ABI2: variants seen among roughly 807,000 people sequenced by gnomAD.
The protein encoded by ABI2 is abelson interactor 2.
In ABI2, 25 loss-of-function variants were observed where a neutral mutation model predicts 59.2. That is an observed-to-expected ratio of 0.42 (90% CI 0.31 to 0.59). ABI2 has a LOEUF of 0.59. Ranked by LOEUF, ABI2 falls within the 20% of genes least tolerant of loss-of-function variation. The pLI is 0.14. For synonymous variants in ABI2, 213 were observed against 235.5 expected, an observed-to-expected ratio of 0.90 and a Z score of 0.87; for missense variants, 545 against 681.8, an observed-to-expected ratio of 0.80 and a Z score of 2.23.
At chr2:203,346,754 T>C (rs576318342) in intron 1 of ABI2, among the ~76,000 whole-genome samples, 3 of 152,270 alleles carry the variant, frequency 2.0e-5, no homozygotes, top group Admixed American at 1.3e-4. Context: ...TTGAGAGAAA[T>C]AGGAGAAAGA....
chr2:203,348,201 A>C (rs945144719), intron 1 of ABI2, among the ~76,000 whole-genome samples: 1 of 152,234 alleles, frequency 6.6e-6, no homozygotes, highest in African/African-American at 2.4e-5. Flanking sequence ...AGATCGCGCC[A>C]CTGCACTGTA....
chr2:203,330,753 T>C (rs115756451), intron 1 of ABI2, among the ~76,000 whole-genome samples: 2 of 152,272 alleles, frequency 1.3e-5, no homozygotes, highest in Non-Finnish European at 2.9e-5. Context: ...AAATAAAAAA[T>C]AAACAGATTT....
At chr2:203,384,635 T>C (rs1284780258) in intron 4 of ABI2, among the ~76,000 whole-genome samples, 3 of 151,696 alleles carry the variant, frequency 2.0e-5, no homozygotes, top group Non-Finnish European at 4.4e-5. Context: ...GTAAAAAGAA[T>C]TTTAAGACCC....
At chr2:203,402,439 TTGCATTGTATATTTCAGA>T in intron 8 of ABI2, 119 bp from the exon 9 acceptor site, 7 of 597,430 alleles carry the variant, frequency 1.2e-5, no homozygotes, top group Non-Finnish European at 1.8e-5. Context: ...ATAACTCACC[TTGCATTGTATATTTCAGA>T]TACCAGTTAA....
intron 7 of ABI2, 129 bp downstream of exon 7, chr2:203,395,909 CTATA>C: frequency 3.6e-6 from 4 of 1,109,948 alleles, no homozygotes; most frequent in Non-Finnish European, 5.0e-6. Flanking sequence ...ATTGGGAAGT[CTATA>C]TATTTGTTAT....
chr2:203,419,514 G>T (rs1302769055), intron 11 of ABI2, among the ~76,000 whole-genome samples: 5 of 151,154 alleles, frequency 3.3e-5, no homozygotes, highest in African/African-American at 1.2e-4. Context: ...GACTACAGGC[G>T]CCTGCCACCA....
chr2:203,365,622 C>CTTTTTTTTTTTTTTTTTTTTTTTTTT (rs71007507), intron 1 of ABI2, among the ~76,000 whole-genome samples: 1 of 63,908 alleles, frequency 1.6e-5, no homozygotes. Context: ...GGGCTGTTAT[C>CTTTTTTTTTTTTTTTTTTTTTTTTTT]TTTTTTTTTT....
intron 11 of ABI2, among the ~76,000 whole-genome samples, chr2:203,423,974 A>G (rs986347306): frequency 2.0e-5 from 3 of 152,212 alleles, no homozygotes; most frequent in Non-Finnish European, 2.9e-5. Flanking sequence ...AACAATGTGT[A>G]AGTCCTTTTC....
chr2:203,341,878 C>A (rs1006669218), intron 1 of ABI2, among the ~76,000 whole-genome samples: 1 of 152,136 alleles, frequency 6.6e-6, no homozygotes, highest in African/African-American at 2.4e-5. Flanking sequence ...TAGGGTTAAG[C>A]AGTTTATTTA....
intron 1 of ABI2, chr2:203,342,153 T>C (rs1345622807): frequency 1.8e-5 from 8 of 450,966 alleles, no homozygotes; most frequent in Non-Finnish European, 3.1e-5. Flanking sequence ...TCACACCATT[T>C]ATTTTATTAT....
At position 203,392,317 on chromosome 2, in the gene ABI2, A is replaced by ACCACCAC. The variant is rs1559313290; in HGVS notation, c.578+1175_578+1176insCACCACC. The stretch of plus-strand genomic sequence containing the variant: ...ACCACCACCACCACCACCACCACCA[A>ACCACCAC]CAACAACAACAACAACAACAACAAC... On this transcript the variant is annotated intron_variant, in intron 5 of 11. Coordinates refer to ENST00000261018, the MANE Select transcript of ABI2 (RefSeq NM_001375670.1). Among the ~76,000 whole-genome samples, 104 of 108,684 alleles carry ACCACCAC rather than the reference A, an allele frequency of 9.6e-4. 1 individual carries two copies. The highest frequency in any genetic ancestry group is 3.1e-3 in the East Asian group (11 of 3,494). 71.3% of individuals were successfully genotyped at this position (108,684 alleles called of 152,430 possible). A position where few individuals can be genotyped will look rare whatever the true frequency, so the allele number is the denominator to read the frequency against.
chr2:203,387,917 A>G (rs1225316715), intron 4 of ABI2, among the ~76,000 whole-genome samples: 1 of 152,136 alleles, frequency 6.6e-6, no homozygotes, highest in Non-Finnish European at 1.5e-5. Flanking sequence ...ACTTGTCAGG[A>G]AATGTTTTCT....
chr2:203,356,926 C>G (rs1281820296), intron 1 of ABI2, among the ~76,000 whole-genome samples: 1 of 151,824 alleles, frequency 6.6e-6, no homozygotes. Context: ...CACATTGTTC[C>G]TGTCTTTTTT....
chr2:203,422,868 T>C (rs906291600), intron 11 of ABI2, among the ~76,000 whole-genome samples: 2 of 152,216 alleles, frequency 1.3e-5, no homozygotes, highest in South Asian at 2.1e-4. Flanking sequence ...CAGGTTAACT[T>C]TGCTCTACCT....
chr2:203,410,860 C>A (rs570063747), intron 9 of ABI2, among the ~76,000 whole-genome samples: 1 of 151,588 alleles, frequency 6.6e-6, no homozygotes, highest in East Asian at 1.9e-4. Flanking sequence ...TGTAACCTTC[C>A]AAGGTAAAAT....
At chr2:203,365,622 C>CTTTTTTTT (rs71007507) in intron 1 of ABI2, among the ~76,000 whole-genome samples, 141 of 63,928 alleles carry the variant, frequency 2.2e-3, no homozygotes, top group East Asian at 5.8e-3. Context: ...GGGCTGTTAT[C>CTTTTTTTT]TTTTTTTTTT....
At chr2:203,420,461 T>C (rs1324103813) in intron 11 of ABI2, among the ~76,000 whole-genome samples, 1 of 151,698 alleles carries the variant, frequency 6.6e-6, no homozygotes, top group Admixed American at 6.6e-5. Context: ...TGGCACGGTC[T>C]TGGCTCACTG....
chr2:203,333,355 CT>C (rs2074879430), intron 1 of ABI2, among the ~76,000 whole-genome samples: 1 of 152,018 alleles, frequency 6.6e-6, no homozygotes, highest in Non-Finnish European at 1.5e-5. Context: ...TATTCTGTAC[CT>C]TTAAAAGAAC....
chr2:203,415,460 AC>A (rs2097852438), intron 10 of ABI2, among the ~76,000 whole-genome samples: 1 of 152,038 alleles, frequency 6.6e-6, no homozygotes, highest in Non-Finnish European at 1.5e-5. Flanking sequence ...TACTAAAAAT[AC>A]AAAAAATTAG....
Sources: allele counts gnomAD v4.1 joint callset (sites outside exome capture counted in the v4.1 genomes callset), GRCh38; gene constraint gnomAD v4.1.1; transcripts MANE v1.5; gene names NCBI Gene and HGNC (gene_info 2026-07-23, HGNC 2026-07-21).